The following FANCL variants were observed in gnomAD, a reference collection of about 807,000 sequenced individuals.
The protein encoded by FANCL is E3 ubiquitin-protein ligase FANCL.
FANCL carries 69 observed loss-of-function variants against 59.4 expected under a neutral mutation model. The ratio of observed to expected loss-of-function variants is 1.16; its 90% CI spans 0.96 to 1.42. The LOEUF is 1.42. Ranked by LOEUF, FANCL falls within the 40% of genes most tolerant of loss-of-function variation. The pLI, the probability that FANCL is intolerant of heterozygous loss-of-function variation, is 0.00. For missense variants in FANCL, 519 were observed against 447.2 expected, an observed-to-expected ratio of 1.16 and a Z score of -1.45; for synonymous variants, 180 against 147.1, an observed-to-expected ratio of 1.22 and a Z score of -1.62.
chr2:58,227,540 G>T (rs368471530), intron 3 of FANCL, among the ~76,000 whole-genome samples: 2 of 152,150 alleles, frequency 1.3e-5, no homozygotes, highest in African/African-American at 4.8e-5. Context: ...TCATTCTGCC[G>T]GTCAATGGCC....
intron 1 of FANCL, among the ~76,000 whole-genome samples, chr2:58,236,473 A>T (rs201860343): frequency 1.3e-5 from 2 of 151,444 alleles, no homozygotes; most frequent in South Asian, 4.1e-4. Flanking sequence ...TTAAAAAAAA[A>T]ACACACACAC....
At chr2:58,185,835 T>C (rs1203710589) in intron 7 of FANCL, among the ~76,000 whole-genome samples, 1 of 152,174 alleles carries the variant, frequency 6.6e-6, no homozygotes, top group Non-Finnish European at 1.5e-5. Context: ...GGAATATAAT[T>C]TTAGTCAAGG....
Position 58,187,280 on chromosome 2 carries a change from C to G in FANCL, c.540+11314G>C, listed in dbSNP as rs151051705. On this transcript the variant is annotated intron_variant, in intron 7 of 13. Transcript: ENST00000233741. ...GTCCTTTGTTGGGACACGGATGAAG[C>G]TGGAAACTATCATTCTCAGCAAACT... Among the ~76,000 whole-genome samples, 425 of 152,082 alleles carry G rather than the reference C, an allele frequency of 2.8e-3. 5 individuals are homozygous for G. Among genetic ancestry groups the G allele is most frequent in the African/African-American group, 9.3e-3 (387 of 41,464 alleles).
chr2:58,195,386 G>T (rs144113658), intron 7 of FANCL, among the ~76,000 whole-genome samples: 2,673 of 152,108 alleles, frequency 0.018, 24 homozygotes, highest in Middle Eastern at 0.027. Flanking sequence ...TGTGAAATCA[G>T]CCCCCAACCC....
intron 7 of FANCL, among the ~76,000 whole-genome samples, chr2:58,181,155 T>C (rs974781517): frequency 3.3e-5 from 5 of 152,044 alleles, no homozygotes; most frequent in Non-Finnish European, 7.4e-5. Flanking sequence ...GTCCAGATGT[T>C]TGTCAACAGG....
intron 7 of FANCL, among the ~76,000 whole-genome samples, chr2:58,179,098 G>C (rs1230776397): frequency 2.0e-5 from 3 of 152,094 alleles, no homozygotes; most frequent in African/African-American, 7.2e-5. Context: ...CAAACAAATG[G>C]AAAAACATTC....
At chr2:58,216,179 G>C (rs556816402) in intron 5 of FANCL, among the ~76,000 whole-genome samples, 1 of 152,242 alleles carries the variant, frequency 6.6e-6, no homozygotes, top group South Asian at 2.1e-4. Flanking sequence ...AAGCTCTAAA[G>C]GGTTATAGCT....
chr2:58,208,473 T>C (rs149065111), intron 5 of FANCL, among the ~76,000 whole-genome samples: 6 of 152,330 alleles, frequency 3.9e-5, no homozygotes, highest in African/African-American at 1.4e-4. Context: ...TCCCTGTTAA[T>C]AGCTGAATGT....
chr2:58,239,809 AG>A (rs759998890), intron 1 of FANCL, among the ~76,000 whole-genome samples: 1 of 152,234 alleles, frequency 6.6e-6, no homozygotes, highest in Non-Finnish European at 1.5e-5. Flanking sequence ...AGTAAAATGG[AG>A]AAAATGTAAA....
chr2:58,194,469 C>G (rs143166971), intron 7 of FANCL, among the ~76,000 whole-genome samples: 1 of 152,148 alleles, frequency 6.6e-6, no homozygotes, highest in African/African-American at 2.4e-5. Flanking sequence ...TTCTCATCGT[C>G]TATGCTAAAA....
At chr2:58,177,499 G>T (rs1558758357) in intron 7 of FANCL, among the ~76,000 whole-genome samples, 2 of 151,760 alleles carry the variant, frequency 1.3e-5, no homozygotes, top group African/African-American at 4.8e-5. Context: ...GATGAAACTG[G>T]AAATCATCAT....
In FANCL at chr2:58,232,129, A is replaced by G; in HGVS notation, c.97-17T>C. On this transcript the variant is annotated splice_polypyrimidine_tract_variant and intron_variant, in intron 1 of 13. Transcript: ENST00000233741. ...GTCTCTTCCCTGTGGAAAATATTGA[A>G]AAGGATCACTCAAATTTTTATCTTT... is the stretch of plus-strand genomic sequence containing the variant. The G allele has an allele frequency of 6.2e-7, 1 of 1,607,158 alleles. No individual in the cohort carries two copies. Among genetic ancestry groups the G allele is most frequent in the South Asian group, 1.1e-5 (1 of 90,896 alleles).
chr2:58,213,462 T>G (rs996621421), intron 5 of FANCL: 10 of 152,236 alleles, frequency 6.6e-5, no homozygotes, highest in Non-Finnish European at 1.2e-4. Context: ...ACAAACAGAA[T>G]TATCTTCTTT....
intron 7 of FANCL, among the ~76,000 whole-genome samples, chr2:58,179,247 T>C (rs1043711558): frequency 2.0e-5 from 3 of 152,176 alleles, no homozygotes; most frequent in Admixed American, 2.0e-4. Flanking sequence ...ACATTTCATA[T>C]GGAACCAATA....
Position 58,159,723 on chromosome 2 carries a change from T to G in FANCL, c.*42A>C, listed in dbSNP as rs751435009. ...GATACCAAAATTCCTTTTGATAATT[T>G]TTTAAGTTTCCAGCTCTTCACCGAA... On this transcript the variant is annotated 3_prime_UTR_variant, in exon 14 of 14. Transcript: ENST00000233741. 2 of 1,612,068 alleles carry G rather than the reference T, an allele frequency of 1.2e-6. No individual in the cohort carries two copies. The highest frequency in any genetic ancestry group is 1.7e-6 in the Non-Finnish European group (2 of 1,179,428).
rs1283253682 is a variant in FANCL, at chr2:58,226,742, A to C, written c.259T>G (p.Leu87Val). 2.5e-6 allele frequency: 4 copies of C among 1,613,476 alleles called. No homozygotes were observed. Among genetic ancestry groups the C allele is most frequent in the Non-Finnish European group, 3.4e-6 (4 of 1,179,702 alleles). ...SPDLMSFMME[L>V]KMLLEVALKN... ...AAAATTCTTACCAAAAGCATCTTCA[A>C]CTCCATCATAAAGCTCATTAGATCA... is the stretch of plus-strand genomic sequence containing the variant. Residue 87 changes from leucine (L) to valine (V), a missense_variant, in exon 4 of 14, where the codon TTG (leucine) becomes GTG (valine). Coordinates refer to ENST00000233741, the MANE Select transcript of FANCL (RefSeq NM_018062.4).
At chr2:58,173,319 C>T (rs1686879838) in intron 7 of FANCL, among the ~76,000 whole-genome samples, 1 of 152,052 alleles carries the variant, frequency 6.6e-6, no homozygotes, top group Non-Finnish European at 1.5e-5. Flanking sequence ...AGAGCAACTC[C>T]AAGACACATA....
chr2:58,160,586 A>AT (rs1685002576), intron 12 of FANCL, among the ~76,000 whole-genome samples: 1 of 152,000 alleles, frequency 6.6e-6, no homozygotes, highest in South Asian at 2.1e-4. Context: ...GCTCTTGAAA[A>AT]TTTCCCTCTT....
At chr2:58,202,900 C>A (rs988068264) in intron 6 of FANCL, among the ~76,000 whole-genome samples, 1 of 151,424 alleles carries the variant, frequency 6.6e-6, no homozygotes, top group Non-Finnish European at 1.5e-5. Flanking sequence ...TAGTTTTGGT[C>A]TTCATAGAAA....
Sources: allele counts gnomAD v4.1 joint callset (sites outside exome capture counted in the v4.1 genomes callset), GRCh38; gene constraint gnomAD v4.1.1; transcripts MANE v1.5; gene names NCBI Gene and HGNC (gene_info 2026-07-23, HGNC 2026-07-21).